Variants in FOCAD observed in about 807,000 individuals in gnomAD.
FOCAD encodes focadhesin.
FOCAD carries 198 observed loss-of-function variants against 225.6 expected under a neutral mutation model. The observed-to-expected ratio is 0.88, with a 90% CI of 0.78 to 0.99. The LOEUF (loss-of-function observed/expected upper bound fraction) is 0.99, where lower values mean the gene tolerates loss of function less well. Ranked by LOEUF, FOCAD falls within the 50% of genes least tolerant of loss-of-function variation. The pLI is 0.00. For synonymous variants in FOCAD, 897 were observed against 755.0 expected, an observed-to-expected ratio of 1.19 and a Z score of -3.08; for missense variants, 2,713 against 2,123.6, an observed-to-expected ratio of 1.28 and a Z score of -5.46.
chr9:20,809,813 C>T (rs1202304516), intron 11 of FOCAD, among the ~76,000 whole-genome samples: 1 of 148,684 alleles, frequency 6.7e-6, no homozygotes, highest in African/African-American at 2.5e-5. Context: ...GTAGATTTGG[C>T]CCTCACATAT....
Position 20,778,758 on chromosome 9 carries a change from C to G in FOCAD, c.984C>G (p.Ile328Met). 6.3e-7 allele frequency: 1 copy of G among 1,599,252 alleles called. No individual in the cohort carries two copies. Among genetic ancestry groups the G allele is most frequent in the Non-Finnish European group, 8.6e-7 (1 of 1,167,422 alleles). The change falls in exon 9 of 44, where the codon ATC becomes ATG. Residue 328 changes from isoleucine (I) to methionine (M), a missense_variant. By Grantham distance (10) the Ile-to-Met change is conservative. Coordinates refer to ENST00000338382, the MANE Select transcript of FOCAD (RefSeq NM_001375567.1). ...LQTPASQQKPILNLALKLLSV... is the reference protein window; with the variant it reads ...LQTPASQQKPMLNLALKLLSV... ...CTCCAGCAAGTCAGCAGAAGCCAAT[C>G]TTAAATCTAGGTAAATAAAAATACA...
chr9:20,890,333 T>G (rs889953802), intron 21 of FOCAD, among the ~76,000 whole-genome samples: 1 of 151,890 alleles, frequency 6.6e-6, no homozygotes, highest in Non-Finnish European at 1.5e-5. Flanking sequence ...CTTTGTCAGG[T>G]TGAAGAAGTT....
intron 41 of FOCAD, among the ~76,000 whole-genome samples, chr9:20,989,797 T>C (rs1841489558): frequency 6.6e-6 from 1 of 152,228 alleles, no homozygotes; most frequent in Non-Finnish European, 1.5e-5. Context: ...AACAGAGGAA[T>C]GTTTGGATCT....
In FOCAD at chr9:20,764,920, T is replaced by C. The variant is rs1389949422; in HGVS notation, c.546T>C (p.Tyr182=). Residue 182 remains tyrosine (Y), a synonymous_variant, in exon 7 of 44, where the codon TAT becomes TAC. Transcript: ENST00000338382. The stretch of plus-strand genomic sequence containing the variant: ...TGGCACCATTTCTGTGGTATCTGTA[T>C]TGTGAACCATCTCAGTTACAAGAAT... ...QIMAPFLWYL[Y]CEPSQLQEYA... The C allele has an allele frequency of 1.2e-6, 2 of 1,614,178 alleles. No homozygotes were observed. Among genetic ancestry groups the C allele is most frequent in the Non-Finnish European group, 8.5e-7 (1 of 1,180,018 alleles).
chr9:20,801,774 C>T (rs990556105), intron 11 of FOCAD, among the ~76,000 whole-genome samples: 1 of 152,062 alleles, frequency 6.6e-6, no homozygotes, highest in African/African-American at 2.4e-5. Context: ...CAAAGAAAGG[C>T]AGTCACACAC....
chr9:20,699,917 C>T (rs72701974), intron 1 of FOCAD, among the ~76,000 whole-genome samples: 4 of 149,776 alleles, frequency 2.7e-5, no homozygotes, highest in Non-Finnish European at 3.0e-5. Flanking sequence ...AGACATCCTA[C>T]ATACTGTACT....
intron 4 of FOCAD, among the ~76,000 whole-genome samples, chr9:20,725,708 T>A (rs1186433820): frequency 1.3e-5 from 2 of 152,202 alleles, no homozygotes; most frequent in East Asian, 3.8e-4. Flanking sequence ...AAACAGTGGC[T>A]TAGAGCGGGT....
chr9:20,794,815 C>A (rs1437369118), intron 11 of FOCAD, among the ~76,000 whole-genome samples: 1 of 152,120 alleles, frequency 6.6e-6, no homozygotes, highest in Non-Finnish European at 1.5e-5. Flanking sequence ...AATTTTGAAC[C>A]TGGCATATTT....
chr9:20,820,047 A>G (rs550941132), intron 12 of FOCAD, 147 bp downstream of exon 12: 101 of 522,460 alleles, frequency 1.9e-4, no homozygotes, highest in African/African-American at 1.9e-3. Flanking sequence ...TCTAAAGACA[A>G]AAGTATTTAT....
At chr9:20,929,630 T>G (rs746854270) in intron 27 of FOCAD, 34 bp downstream of exon 27, 2 of 1,586,474 alleles carry the variant, frequency 1.3e-6, no homozygotes, top group Non-Finnish European at 1.7e-6. Flanking sequence ...GCTTTTCTTC[T>G]TTGTGATTTT....
At chr9:20,863,717 A>G (rs1828985612) in intron 16 of FOCAD, among the ~76,000 whole-genome samples, 1 of 152,074 alleles carries the variant, frequency 6.6e-6, no homozygotes, top group Non-Finnish European at 1.5e-5. Flanking sequence ...TTGCTCTTAT[A>G]TTGTCAGAGA....
At chr9:20,904,853 T>C (rs1832828765) in intron 21 of FOCAD, among the ~76,000 whole-genome samples, 1 of 152,038 alleles carries the variant, frequency 6.6e-6, no homozygotes, top group African/African-American at 2.4e-5. Flanking sequence ...TTGGACATAA[T>C]TGTCATACTT....
intron 30 of FOCAD, among the ~76,000 whole-genome samples, chr9:20,947,051 G>T (rs529726034): frequency 1.3e-5 from 2 of 152,002 alleles, no homozygotes; most frequent in Non-Finnish European, 2.9e-5. Flanking sequence ...AGAGAGTATT[G>T]ATATGCTTTT....
At chr9:20,741,674 T>C (rs1377218187) in intron 5 of FOCAD, among the ~76,000 whole-genome samples, 2 of 116,558 alleles carry the variant, frequency 1.7e-5, no homozygotes, top group Non-Finnish European at 1.8e-5. Context: ...TCGGTAAATA[T>C]GCTTTTTTTT....
chr9:20,797,491 C>A (rs947307956), intron 11 of FOCAD, among the ~76,000 whole-genome samples: 1 of 151,934 alleles, frequency 6.6e-6, no homozygotes, highest in Non-Finnish European at 1.5e-5. Flanking sequence ...CTTTTATTTC[C>A]TTGAGCAGTG....
intron 13 of FOCAD, among the ~76,000 whole-genome samples, chr9:20,820,681 A>G (rs746215763): frequency 3.3e-5 from 5 of 152,168 alleles, no homozygotes; most frequent in Non-Finnish European, 7.4e-5. Context: ...TAATGGAAAT[A>G]TAGTTATAAA....
At position 20,952,999 on chromosome 9, in the gene FOCAD, A is replaced by G. The variant is rs1317142057; in HGVS notation, c.4066A>G (p.Ser1356Gly). Reference sequence around the variant, plus strand: ...TGTCTCCACAGTTCCTACTGACTATAGCTACTTGCCTGAAAGCAGTTTTAT... The same window carrying G: ...TGTCTCCACAGTTCCTACTGACTATGGCTACTTGCCTGAAAGCAGTTTTAT... Reference protein sequence around the residue: ...QSRASVPTDYSYLPESSFIGA... With the variant: ...QSRASVPTDYGYLPESSFIGA... Residue 1356 changes from serine (S) to glycine (G), a missense_variant, in exon 35 of 44, where the codon AGC (serine) becomes GGC (glycine). Coordinates refer to ENST00000338382, the MANE Select transcript of FOCAD (RefSeq NM_001375567.1). 9 of 1,613,478 alleles carry G rather than the reference A, an allele frequency of 5.6e-6. No individual in the cohort carries two copies. Among genetic ancestry groups the G allele is most frequent in the Non-Finnish European group, 7.6e-6 (9 of 1,179,722 alleles).
intron 11 of FOCAD, among the ~76,000 whole-genome samples, chr9:20,791,426 C>T (rs929532677): frequency 1.3e-5 from 2 of 152,042 alleles, no homozygotes; most frequent in East Asian, 1.9e-4. Flanking sequence ...GTGCAATGAT[C>T]AAATCAGGGT....
At chr9:20,858,586 A>G (rs1828446627) in intron 15 of FOCAD, among the ~76,000 whole-genome samples, 2 of 151,634 alleles carry the variant, frequency 1.3e-5, no homozygotes, top group Admixed American at 1.3e-4. Context: ...GTTGCTTTTC[A>G]GTGTTCGTTT....
Sources: allele counts gnomAD v4.1 joint callset (sites outside exome capture counted in the v4.1 genomes callset), GRCh38; gene constraint gnomAD v4.1.1; transcripts MANE v1.5; gene names NCBI Gene and HGNC (gene_info 2026-07-23, HGNC 2026-07-21).